The following GLT1D1 variants were observed in gnomAD, a reference collection of about 807,000 sequenced individuals.
The protein encoded by GLT1D1 is glycosyltransferase 1 domain-containing protein 1.
Under a neutral mutation model 28.7 loss-of-function variants are expected in GLT1D1, and 21 were observed. That is an observed-to-expected ratio of 0.73 (90% CI 0.52 to 1.05). The LOEUF is 1.05. Among genes scored for constraint, GLT1D1 ranks in the 50% least tolerant of loss-of-function variants. The probability of loss-of-function intolerance (pLI) is 0.00; values close to 1 mark genes in which losing one functional copy is unlikely to be tolerated. For synonymous variants in GLT1D1, 147 were observed against 124.8 expected (o/e 1.18, Z -1.19); for missense variants, 343 against 330.6 (o/e 1.04, Z -0.29).
At chr12:128,899,841 C>G (rs757410528) in intron 4 of GLT1D1, among the ~76,000 whole-genome samples, 1 of 152,084 alleles carries the variant, frequency 6.6e-6, no homozygotes, top group Non-Finnish European at 1.5e-5. Flanking sequence ...CATGAGCCAC[C>G]GAACCTGGCC....
At position 128,899,268 on chromosome 12, in the gene GLT1D1, A is replaced by G. The variant is rs1869975042; in HGVS notation, c.356A>G (p.Glu119Gly). 1.2e-6 allele frequency: 2 copies of G among 1,613,614 alleles called. No individual in the cohort carries two copies. The highest frequency in any genetic ancestry group is 2.2e-5 in the South Asian group (2 of 91,084). The stretch of plus-strand genomic sequence containing the variant: ...GTCGCTTTCACAGAGTCAATGAAGG[A>G]AATGGCACAAGCGCAGTGGGTATGT... Residue 119 changes from glutamate (E) to glycine (G), a missense_variant, in exon 4 of 8, where the codon GAA becomes GGA. Glu to Gly is a moderately conservative substitution (Grantham distance 98). Coordinates refer to ENST00000281703, the MANE Select transcript of GLT1D1 (RefSeq NM_144669.3).
At chr12:128,913,259 G>A (rs541720845) in intron 4 of GLT1D1, among the ~76,000 whole-genome samples, 6 of 152,108 alleles carry the variant, frequency 3.9e-5, no homozygotes, top group Non-Finnish European at 8.8e-5. Flanking sequence ...TTGCTCTGTC[G>A]CCCAGGCTGG....
At position 128,927,098 on chromosome 12, in the gene GLT1D1, T is replaced by C. The variant is rs1188306438; in HGVS notation, c.376-18228T>C. ...AGTGTTTTTTTGTCTTCTTTTTTCT[T>C]CCCAAGCCTGGCATCAGGAGGAGCC... On this transcript the variant is annotated intron_variant, in intron 4 of 7. Transcript: ENST00000281703. 11 of 1,535,386 alleles carry C rather than the reference T, an allele frequency of 7.2e-6. No individual in the cohort carries two copies. The East Asian group carries it at 2.7e-4, about 38-fold the overall frequency.
intron 4 of GLT1D1, among the ~76,000 whole-genome samples, chr12:128,907,398 C>T (rs1350484989): frequency 6.6e-6 from 1 of 151,478 alleles, no homozygotes. Flanking sequence ...CTCTGCCTCC[C>T]GGGTTCACGC....
intron 1 of GLT1D1, among the ~76,000 whole-genome samples, chr12:128,865,698 T>A (rs1490176667): frequency 6.6e-6 from 1 of 152,028 alleles, no homozygotes; most frequent in Non-Finnish European, 1.5e-5. Flanking sequence ...GGCATGCGCC[T>A]ATAATCCCAG....
At chr12:128,936,580 C>T (rs888797835) in intron 4 of GLT1D1, among the ~76,000 whole-genome samples, 1 of 152,142 alleles carries the variant, frequency 6.6e-6, no homozygotes, top group African/African-American at 2.4e-5. Context: ...TTAGCTCAAC[C>T]GTTTCAACGA....
At chr12:128,942,486 T>C (rs1875406642) in intron 4 of GLT1D1, among the ~76,000 whole-genome samples, 1 of 152,138 alleles carries the variant, frequency 6.6e-6, no homozygotes, top group Admixed American at 6.5e-5. Context: ...TAAGAACTGC[T>C]TACTGGCACT....
intron 3 of GLT1D1, among the ~76,000 whole-genome samples, chr12:128,894,895 T>A (rs1012709358): frequency 2.0e-5 from 3 of 150,672 alleles, no homozygotes; most frequent in South Asian, 4.2e-4. Flanking sequence ...TATATATATA[T>A]AACATGGACT....
chr12:128,929,600 CT>C (rs1238025072), intron 4 of GLT1D1, among the ~76,000 whole-genome samples: 1 of 152,150 alleles, frequency 6.6e-6, no homozygotes, highest in East Asian at 1.9e-4. Context: ...GAGTTACAAG[CT>C]TTTCTCAGTA....
At chr12:128,948,200 C>G (rs1876325225) in intron 6 of GLT1D1, among the ~76,000 whole-genome samples, 1 of 152,180 alleles carries the variant, frequency 6.6e-6, no homozygotes, top group Non-Finnish European at 1.5e-5. Context: ...CATCTCTTCT[C>G]CTCCTTGAGA....
At chr12:128,970,689 G>A (rs574474189) in intron 7 of GLT1D1, among the ~76,000 whole-genome samples, 12 of 152,350 alleles carry the variant, frequency 7.9e-5, no homozygotes, top group East Asian at 3.9e-4. Context: ...CTGCGCCCAC[G>A]GCTGGCACCT....
chr12:128,894,595 G>A (rs1236009038), intron 3 of GLT1D1, among the ~76,000 whole-genome samples: 1 of 152,054 alleles, frequency 6.6e-6, no homozygotes, highest in Non-Finnish European at 1.5e-5. Context: ...TGTAATCCCA[G>A]CACTTTGGGA....
At chr12:128,960,584 C>T (rs1877830224) in intron 7 of GLT1D1, among the ~76,000 whole-genome samples, 1 of 151,900 alleles carries the variant, frequency 6.6e-6, no homozygotes, top group Non-Finnish European at 1.5e-5. Flanking sequence ...ATGCAAAACC[C>T]TGTCTCTACT....
chr12:128,942,748 TGTTTTTTG>T (rs1566157327), intron 4 of GLT1D1, among the ~76,000 whole-genome samples: 1,030 of 70,398 alleles, frequency 0.015, 138 homozygotes, highest in African/African-American at 0.048. Flanking sequence ...TGTTTGTTTT[TGTTTTTTG>T]TTTTTTTTTT....
chr12:128,975,357 C>T (rs61946476), intron 7 of GLT1D1, among the ~76,000 whole-genome samples: 27,226 of 152,180 alleles, frequency 0.18, 2,547 homozygotes, highest in Middle Eastern at 0.24. Context: ...AATTGCTATG[C>T]ACAGGGCTCA....
intron 2 of GLT1D1, among the ~76,000 whole-genome samples, chr12:128,879,450 CTTTCTTTCTTTT>C (rs1956977308): frequency 3.0e-5 from 3 of 99,452 alleles, no homozygotes; most frequent in Non-Finnish European, 4.2e-5. Context: ...TTCTTTCTTT[CTTTCTTTCTTTT>C]TTTTGGGGGG....
At position 128,981,375 on chromosome 12, in the gene GLT1D1, G is replaced by A. The variant is rs935440305; in HGVS notation, c.640-1554G>A. Among the ~76,000 whole-genome samples the A allele has an allele frequency of 4.6e-5, 7 of 152,116 alleles. No homozygotes were observed. In the South Asian group the frequency reaches 8.3e-4, roughly 18 times the overall value. On this transcript the variant is annotated intron_variant, in intron 7 of 7. Coordinates refer to ENST00000281703, the MANE Select transcript of GLT1D1 (RefSeq NM_144669.3). ...GTTGGGTTTCCACCAAAGTCTCCAC[G>A]TCAGATAAATCAAAGATATGACCAG...
At chr12:128,883,579 G>C (rs140566795) in intron 2 of GLT1D1, among the ~76,000 whole-genome samples, 5,208 of 131,118 alleles carry the variant, frequency 0.04, 323 homozygotes, top group African/African-American at 0.14. Flanking sequence ...GACAGAGCTA[G>C]ACTCCATCTC....
intron 1 of GLT1D1, among the ~76,000 whole-genome samples, chr12:128,859,598 C>A (rs186596889): frequency 2.1e-4 from 32 of 152,270 alleles, no homozygotes; most frequent in African/African-American, 7.7e-4. Flanking sequence ...TGCTGATGAA[C>A]CCTTCTCTAG....
Sources: gnomAD v4.1 joint callset for allele counts (sites outside exome capture counted in the v4.1 genomes callset) on GRCh38, gnomAD v4.1.1 for gene constraint, MANE v1.5 for transcripts, NCBI Gene and HGNC (gene_info 2026-07-23, HGNC 2026-07-21) for gene names.